The following CADM2 variants were observed in gnomAD, a reference collection of about 807,000 sequenced individuals.
CADM2 encodes cell adhesion molecule 2, also known as immunoglobulin superfamily member 4D.
A neutral mutation model predicts 49.8 loss-of-function variants in CADM2; 12 were observed. The observed-to-expected ratio is 0.24, with a 90% CI of 0.15 to 0.39. CADM2 has a LOEUF of 0.39. Among genes scored for constraint, CADM2 ranks in the 10% least tolerant of loss-of-function variants. The pLI is 1.00. For missense variants in CADM2, 378 were observed against 492.3 expected (o/e 0.77, Z 2.20); for synonymous variants, 214 against 175.4 (o/e 1.22, Z -1.74).
At chr3:85,366,875 A>C (rs182287317) in intron 1 of CADM2, among the ~76,000 whole-genome samples, 1 of 152,178 alleles carries the variant, frequency 6.6e-6, no homozygotes, top group Admixed American at 6.5e-5. Flanking sequence ...ATAATGATAG[A>C]GGTATGAAGA....
chr3:85,905,726 C>A (rs1168637267), intron 5 of CADM2, among the ~76,000 whole-genome samples: 1 of 152,026 alleles, frequency 6.6e-6, no homozygotes, highest in East Asian at 1.9e-4. Context: ...TTTATGAATA[C>A]ATAATTTATA....
At chr3:85,096,051 T>C (rs1345810758) in intron 1 of CADM2, among the ~76,000 whole-genome samples, 3 of 152,162 alleles carry the variant, frequency 2.0e-5, no homozygotes, top group Admixed American at 6.6e-5. Context: ...GAAGTCAATG[T>C]GACTTGTCTG....
Position 85,484,456 on chromosome 3 carries a change from A to G in CADM2, c.62-242066A>G, listed in dbSNP as rs145135828. ...CATGTCTACAGTGCTTCTCCCTACC[A>G]TTTCCTCAAATGAATCTATACAACC... is the stretch of plus-strand genomic sequence containing the variant. On this transcript the variant is annotated intron_variant, in intron 1 of 9. Coordinates refer to ENST00000383699, the MANE Select transcript of CADM2 (RefSeq NM_001167675.2). Among the ~76,000 whole-genome samples, 135 of 152,026 alleles carry G rather than the reference A, an allele frequency of 8.9e-4. 1 individual carries two copies. The highest frequency in any genetic ancestry group is 3.0e-3 in the African/African-American group (123 of 41,528).
Position 85,990,013 on chromosome 3 carries a change from C to CAAAAAAAAAAAAAAAAAAA in CADM2, c.970+28379_970+28397dup, listed in dbSNP as rs58178176. Among the ~76,000 whole-genome samples the CAAAAAAAAAAAAAAAAAAA allele has an allele frequency of 1.2e-3, 12 of 9,638 alleles. 3 individuals are homozygous for CAAAAAAAAAAAAAAAAAAA. The highest frequency in any genetic ancestry group is 1.8e-3 in the African/African-American group (7 of 3,792). 6.3% of individuals were successfully genotyped at this position (9,638 alleles called of 152,430 possible). A position where few individuals can be genotyped will look rare whatever the true frequency, so the allele number is the denominator to read the frequency against. ...GGCGACAAGAGAGAAACTCCATGTCCAAAAAAAAAAAAAAAAAAAAAAAAA... is the reference window on the plus strand; with the variant it reads ...GGCGACAAGAGAGAAACTCCATGTCCAAAAAAAAAAAAAAAAAAAAAAAAAAAAAAAAAAAAAAAAAAAA... On this transcript the variant is annotated intron_variant, in intron 8 of 9. Transcript: ENST00000383699.
intron 8 of CADM2, among the ~76,000 whole-genome samples, chr3:86,042,103 C>T (rs1490030745): frequency 6.6e-6 from 1 of 152,126 alleles, no homozygotes; most frequent in Non-Finnish European, 1.5e-5. Flanking sequence ...ATTTATAGCA[C>T]TAAATGCCCA....
chr3:85,536,901 A>G (rs1018072100), intron 1 of CADM2, among the ~76,000 whole-genome samples: 5 of 152,018 alleles, frequency 3.3e-5, no homozygotes, highest in African/African-American at 1.2e-4. Context: ...GATAGAATTT[A>G]CATATGGCAC....
chr3:85,801,160 T>G (rs1318127545), intron 2 of CADM2, among the ~76,000 whole-genome samples: 1 of 152,168 alleles, frequency 6.6e-6, no homozygotes, highest in Non-Finnish European at 1.5e-5. Context: ...GAGAAATTTA[T>G]GTATTATGTA....
chr3:85,453,059 CA>C (rs2037824183), intron 1 of CADM2, among the ~76,000 whole-genome samples: 1 of 152,030 alleles, frequency 6.6e-6, no homozygotes, highest in African/African-American at 2.4e-5. Flanking sequence ...TCACAGATTA[CA>C]AAAATGCCAA....
At chr3:84,999,963 A>G (rs934148551) in intron 1 of CADM2, among the ~76,000 whole-genome samples, 2 of 152,286 alleles carry the variant, frequency 1.3e-5, no homozygotes, top group Admixed American at 6.5e-5. Flanking sequence ...CTCCCATAGC[A>G]TGTAGAAATT....
intron 1 of CADM2, among the ~76,000 whole-genome samples, chr3:85,030,204 A>G (rs1445138451): frequency 1.3e-5 from 2 of 152,172 alleles, no homozygotes; most frequent in African/African-American, 4.8e-5. Flanking sequence ...AAACACTTAG[A>G]CAATTCATTG....
Position 85,368,858 on chromosome 3 carries a change from A to T in CADM2, c.62-357664A>T, listed in dbSNP as rs181069476. Among the ~76,000 whole-genome samples, 309 of 152,216 alleles carry T rather than the reference A, an allele frequency of 2.0e-3. 1 individual carries two copies. Among genetic ancestry groups the T allele is most frequent in the Non-Finnish European group, 4.0e-3 (270 of 68,018 alleles). On this transcript the variant is annotated intron_variant, in intron 1 of 9. Coordinates refer to ENST00000383699, the MANE Select transcript of CADM2 (RefSeq NM_001167675.2). ...ATTGTACCCTGTTCTGTCTCATTGC[A>T]CCCTATTCTGTCTCATTGCTTACAT...
At chr3:86,060,621 C>G (rs1050806205) in intron 8 of CADM2, among the ~76,000 whole-genome samples, 1 of 151,970 alleles carries the variant, frequency 6.6e-6, no homozygotes, top group Non-Finnish European at 1.5e-5. Flanking sequence ...TATAAATTAC[C>G]CAGTCCACAG....
chr3:85,277,174 A>G (rs1410787541), intron 1 of CADM2, among the ~76,000 whole-genome samples: 3 of 151,504 alleles, frequency 2.0e-5, no homozygotes, highest in Non-Finnish European at 4.4e-5. Context: ...ATTAACTGCT[A>G]AGTACTGGAG....
intron 1 of CADM2, among the ~76,000 whole-genome samples, chr3:85,331,351 C>A (rs1404864897): frequency 6.6e-6 from 1 of 151,898 alleles, no homozygotes; most frequent in Non-Finnish European, 1.5e-5. Context: ...TTTTTTAGCT[C>A]CCACATATTA....
intron 2 of CADM2, among the ~76,000 whole-genome samples, chr3:85,788,637 G>A (rs1363452227): frequency 1.3e-5 from 2 of 151,202 alleles, no homozygotes; most frequent in East Asian, 3.9e-4. Context: ...CAAATAACTA[G>A]CAACAATAAG....
intron 1 of CADM2, among the ~76,000 whole-genome samples, chr3:85,175,465 G>C (rs1044043371): frequency 1.3e-5 from 2 of 152,134 alleles, no homozygotes; most frequent in Non-Finnish European, 2.9e-5. Flanking sequence ...GCTACAGTGT[G>C]AATTAACATT....
At chr3:85,478,571 T>C (rs2039077814) in intron 1 of CADM2, among the ~76,000 whole-genome samples, 1 of 151,262 alleles carries the variant, frequency 6.6e-6, no homozygotes, top group Non-Finnish European at 1.5e-5. Flanking sequence ...AAATAAAAAA[T>C]GGGAACTTAT....
chr3:85,059,015 G>A (rs976420299), intron 1 of CADM2, among the ~76,000 whole-genome samples: 3 of 151,556 alleles, frequency 2.0e-5, no homozygotes, highest in South Asian at 2.1e-4. Flanking sequence ...CGAGGTGGGC[G>A]GATCATGAGG....
intron 1 of CADM2, among the ~76,000 whole-genome samples, chr3:85,563,981 T>C (rs943835941): frequency 6.6e-6 from 1 of 152,182 alleles, no homozygotes. Flanking sequence ...AACAACATCC[T>C]TTCCTGAATA....
Sources: gnomAD v4.1 joint callset for allele counts (sites outside exome capture counted in the v4.1 genomes callset) on GRCh38, gnomAD v4.1.1 for gene constraint, MANE v1.5 for transcripts, NCBI Gene and HGNC (gene_info 2026-07-23, HGNC 2026-07-21) for gene names.